The following WDR47 variants were observed in gnomAD, a reference collection of about 807,000 sequenced individuals.
The protein encoded by WDR47 is WD repeat-containing protein 47.
In WDR47, 32 loss-of-function variants were observed where a neutral mutation model predicts 97.2. The ratio of observed to expected loss-of-function variants is 0.33; its 90% CI spans 0.25 to 0.44. The LOEUF is 0.44. Among genes scored for constraint, WDR47 ranks in the 20% least tolerant of loss-of-function variants. WDR47 has a pLI of 1.00. For missense variants in WDR47, 782 were observed against 1,102.3 expected (o/e 0.71, Z 4.11); for synonymous variants, 375 against 373.5 (o/e 1.00, Z -0.05).
At chr1:109,028,361 G>GTT (rs1414813690) in intron 1 of WDR47, among the ~76,000 whole-genome samples, 32 of 27,598 alleles carry the variant, frequency 1.2e-3, no homozygotes, top group African/African-American at 3.4e-3. Context: ...ATTTTTGTTG[G>GTT]GTTTTTTTTT....
At chr1:108,997,285 A>T (rs1659822872) in intron 7 of WDR47, among the ~76,000 whole-genome samples, 1 of 151,506 alleles carries the variant, frequency 6.6e-6, no homozygotes, top group South Asian at 2.1e-4. Flanking sequence ...AGAAAAGAAA[A>T]AGAAAAACTT....
In WDR47 at chr1:109,010,905, C is replaced by G. The variant is rs17838314; in HGVS notation, c.1130+11G>C. ...CCTAAGATTTCCTAATTTTTATAACCAAATGCTTACCGCTCAGGGGATTCT... is the reference window on the plus strand; with the variant it reads ...CCTAAGATTTCCTAATTTTTATAACGAAATGCTTACCGCTCAGGGGATTCT... On this transcript the variant is annotated intron_variant, in intron 5 of 14. Transcript: ENST00000369962. 5.6e-3 allele frequency: 8,954 copies of G among 1,596,798 alleles called. 241 individuals carry two copies. The East Asian group carries it at 0.068, about 12-fold the overall frequency.
chr1:108,989,770 T>C (rs758325749), intron 9 of WDR47, among the ~76,000 whole-genome samples: 1 of 152,072 alleles, frequency 6.6e-6, no homozygotes, highest in Non-Finnish European at 1.5e-5. Flanking sequence ...TCTTGGCTCA[T>C]TGCAACCTCT....
chr1:109,037,855 A>ATCTT (rs1213487371), intron 1 of WDR47, among the ~76,000 whole-genome samples: 1 of 151,678 alleles, frequency 6.6e-6, no homozygotes, highest in Non-Finnish European at 1.5e-5. Flanking sequence ...ATTTTTTTCT[A>ATCTT]TCTTTCTTTC....
At chr1:109,033,334 T>C (rs1021835869) in intron 1 of WDR47, among the ~76,000 whole-genome samples, 2 of 152,026 alleles carry the variant, frequency 1.3e-5, no homozygotes, top group African/African-American at 4.8e-5. Context: ...AAATGGTTAT[T>C]ATCTGGAGCA....
In WDR47 at chr1:109,018,897, C is replaced by T. The variant is rs560584327; in HGVS notation, c.159-1296G>A. ...CTAGCCTGGGCAACATGCAAAACCC[C>T]ATCTCTACAAAAAATTTAAAAATTA... is the stretch of plus-strand genomic sequence containing the variant. On this transcript the variant is annotated intron_variant, in intron 2 of 14. Transcript: ENST00000369962. 3.0e-4 allele frequency among the ~76,000 whole-genome samples: 45 copies of T among 151,928 alleles called. 1 individual carries two copies. The East Asian group carries it at 8.5e-3, about 29-fold the overall frequency.
intron 1 of WDR47, among the ~76,000 whole-genome samples, chr1:109,030,752 TC>T (rs1449039202): frequency 1.7e-5 from 1 of 58,926 alleles, no homozygotes; most frequent in Non-Finnish European, 3.2e-5. Flanking sequence ...CTGCATCTTT[TC>T]CTTTAAAAAA....
chr1:108,982,654 C>T lies in WDR47; in HGVS notation c.2221G>A (p.Asp741Asn), dbSNP rs1422714850. The T allele has an allele frequency of 8.7e-6, 14 of 1,613,096 alleles. No individual in the cohort carries two copies. Among genetic ancestry groups the T allele is most frequent in the Admixed American group, 5.0e-5 (3 of 59,668 alleles). The change falls in exon 12 of 15, where the codon GAT (aspartate) becomes AAT (asparagine). Residue 741 changes from aspartate (D) to asparagine (N), a missense_variant. By Grantham distance (23) the Asp-to-Asn change is conservative. Coordinates refer to ENST00000369962, the MANE Select transcript of WDR47 (RefSeq NM_001142551.2). ...TGGAGGCCCTGTCCTCTTTGACAATCGGTTGTATAAATGTTACAATCCCCT... is the reference window on the plus strand; with the variant it reads ...TGGAGGCCCTGTCCTCTTTGACAATTGGTTGTATAAATGTTACAATCCCCT... ...GAGDCNIYTT[D>N]CQRGQGLHAL...
chr1:108,986,035 G>T (rs537078034), intron 10 of WDR47, among the ~76,000 whole-genome samples: 2 of 151,278 alleles, frequency 1.3e-5, no homozygotes, highest in East Asian at 1.9e-4. Context: ...TCAAACTAGG[G>T]TTATAATTAA....
intron 1 of WDR47, among the ~76,000 whole-genome samples, chr1:109,036,484 G>A (rs1050062039): frequency 4.2e-5 from 6 of 142,034 alleles, no homozygotes; most frequent in Non-Finnish European, 7.5e-5. Flanking sequence ...GCAGTGAGCC[G>A]AGATGGCACC....
At chr1:108,988,969 A>G (rs1659090970) in intron 9 of WDR47, among the ~76,000 whole-genome samples, 1 of 151,950 alleles carries the variant, frequency 6.6e-6, no homozygotes, top group Non-Finnish European at 1.5e-5. Flanking sequence ...TGTTGGCCAG[A>G]CTGGTCTCGA....
At chr1:108,992,288 C>T (rs894034951) in intron 8 of WDR47, 7 of 845,048 alleles carry the variant, frequency 8.3e-6, no homozygotes, top group African/African-American at 5.0e-5. Context: ...GAAAATGGTT[C>T]GCTATTCACT....
chr1:109,015,854 A>C (rs189017773), intron 3 of WDR47, among the ~76,000 whole-genome samples: 2 of 151,636 alleles, frequency 1.3e-5, no homozygotes, highest in African/African-American at 4.8e-5. Flanking sequence ...ACAGTGGTGC[A>C]TGCCTGTAGT....
chr1:109,011,754 T>C (rs748953567), intron 4 of WDR47, 36 bp from the exon 5 acceptor site: 15 of 1,522,318 alleles, frequency 9.9e-6, no homozygotes, highest in East Asian at 9.1e-5. Context: ...ATAATCACTA[T>C]AAAAAACATG....
chr1:108,992,788 G>A lies in WDR47; in HGVS notation c.1692-1459C>T, dbSNP rs959409543. On this transcript the variant is annotated intron_variant, in intron 8 of 14. Transcript: ENST00000369962. ...AAGAGGAGGTTGCCCAGAAGAAAAG[G>A]ATATCCCAGAAGAAACTGAAGAAAC... 2.4e-5 allele frequency: 39 copies of A among 1,597,026 alleles called. No homozygotes were observed. The African/African-American group carries it at 3.5e-4, about 14-fold the overall frequency.
rs1661993069 is a variant in WDR47, at chr1:109,023,454, T to C, written c.59A>G (p.Asp20Gly). 1.2e-6 allele frequency: 2 copies of C among 1,613,650 alleles called. No individual in the cohort carries two copies. Among genetic ancestry groups the C allele is most frequent in the Non-Finnish European group, 1.7e-6 (2 of 1,179,772 alleles). Residue 20 changes from aspartate to glycine, a missense_variant, in exon 2 of 15, where the codon GAC becomes GGC. Coordinates refer to ENST00000369962, the MANE Select transcript of WDR47 (RefSeq NM_001142551.2). ...KEVEIIKLIL[D>G]FLNSKKLHIS... ...GTGAAGCTTCTTTGAATTCAGGAAG[T>C]CCAAAATTAGCTTAATGATTTCAAC...
At chr1:108,993,483 T>C (rs1659523545) in intron 8 of WDR47, among the ~76,000 whole-genome samples, 1 of 141,886 alleles carries the variant, frequency 7.0e-6, no homozygotes, top group Admixed American at 6.7e-5. Context: ...AGGTGAAAAA[T>C]AAAGCAAACA....
At chr1:108,985,927 G>A (rs1446926920) in intron 10 of WDR47, among the ~76,000 whole-genome samples, 1 of 149,644 alleles carries the variant, frequency 6.7e-6, no homozygotes, top group Non-Finnish European at 1.5e-5. Context: ...ATCATTAAAT[G>A]CTACCACAGT....
intron 1 of WDR47, among the ~76,000 whole-genome samples, chr1:109,038,499 C>A (rs918080277): frequency 4.0e-5 from 6 of 151,172 alleles, no homozygotes; most frequent in Admixed American, 1.3e-4. Context: ...GGCAACATGG[C>A]AAAACCCTAT....
Sources: allele counts gnomAD v4.1 joint callset (sites outside exome capture counted in the v4.1 genomes callset), GRCh38; gene constraint gnomAD v4.1.1; transcripts MANE v1.5; gene names NCBI Gene and HGNC (gene_info 2026-07-23, HGNC 2026-07-21).